The following COL5A2 variants were observed in gnomAD, a reference collection of about 807,000 sequenced individuals.
The protein encoded by COL5A2 is collagen alpha-2(V) chain.
In COL5A2, 23 loss-of-function variants were observed where a neutral mutation model predicts 208.2. The ratio of observed to expected loss-of-function variants is 0.11; its 90% confidence interval spans 0.08 to 0.16. COL5A2 has a LOEUF of 0.16. Among genes scored for constraint, COL5A2 ranks in the 10% least tolerant of loss-of-function variants. The probability of loss-of-function intolerance (pLI) is 1.00; values close to 1 mark genes in which losing one functional copy is unlikely to be tolerated. For synonymous variants in COL5A2, 625 were observed against 628.5 expected (o/e 0.99, Z 0.08); for missense variants, 1,590 against 1,956.4 (o/e 0.81, Z 3.53).
intron 1 of COL5A2, among the ~76,000 whole-genome samples, chr2:189,115,952 T>C (rs1687380880): frequency 6.6e-6 from 1 of 152,200 alleles, no homozygotes; most frequent in Non-Finnish European, 1.5e-5. Context: ...TTACCAGGTG[T>C]GTCCCTGACA....
rs886055354 is a variant in COL5A2, at chr2:189,043,243, G to A, written c.3379C>T (p.Arg1127Cys). 2.5e-6 allele frequency: 4 copies of A among 1,612,134 alleles called. No homozygotes were observed. The highest frequency in any genetic ancestry group is 4.5e-5 in the East Asian group (2 of 44,856). ...TCTCCATGATCACCTTTGTCACCACGAGGTCCTTGGGGTCCCTAGAAATAG... is the reference window on the plus strand; with the variant it reads ...TCTCCATGATCACCTTTGTCACCACAAGGTCCTTGGGGTCCCTAGAAATAG... The part of the protein sequence containing the change: ...KRGLPGPQGP[R>C]GDKGDHGDRG... Residue 1127 changes from arginine (R) to cysteine (C), a missense_variant, in exon 48 of 54, where the codon CGT (arginine) becomes TGT (cysteine). By Grantham distance (180) the Arg-to-Cys change is radical (BLOSUM62 -3). Transcript: ENST00000374866.
upstream of COL5A2, among the ~76,000 whole-genome samples, chr2:189,180,466 T>C (rs1176297866): frequency 1.3e-5 from 2 of 152,128 alleles, no homozygotes; most frequent in Non-Finnish European, 2.9e-5. Flanking sequence ...TGTTGAAAAA[T>C]AGTCTACTAA....
intron 47 of COL5A2, 21 bp from the exon 48 acceptor site, chr2:189,043,279 T>A (rs1181604679): frequency 1.3e-6 from 2 of 1,523,588 alleles, no homozygotes; most frequent in South Asian, 1.1e-5. Context: ...AGATATGGCA[T>A]GAAAATTACT....
At chr2:189,375,059 C>A in the COL5A2 span, among the ~76,000 whole-genome samples, 10 of 151,328 alleles carry the variant, frequency 6.6e-5, no homozygotes, top group Non-Finnish European at 1.0e-4. Context: ...CTCTGTCACC[C>A]AGGCTGAAGT....
At chr2:189,096,455 A>C (rs1284159853) in intron 6 of COL5A2, among the ~76,000 whole-genome samples, 1 of 151,820 alleles carries the variant, frequency 6.6e-6, no homozygotes, top group East Asian at 1.9e-4. Flanking sequence ...ACTCGTCTCT[A>C]CTAAAAAATA....
chr2:189,183,556 A>G (rs998539586), upstream of COL5A2, among the ~76,000 whole-genome samples: 3 of 152,160 alleles, frequency 2.0e-5, no homozygotes, highest in Admixed American at 6.5e-5. Flanking sequence ...TCAGAATCCA[A>G]AATGAAACTA....
At chr2:189,271,754 T>C in the COL5A2 span, among the ~76,000 whole-genome samples, 10 of 152,290 alleles carry the variant, frequency 6.6e-5, no homozygotes, top group Middle Eastern at 3.4e-3. Context: ...TTTTGCAGTC[T>C]ATCCATCTGA....
chr2:189,313,183 A>C, the COL5A2 span, among the ~76,000 whole-genome samples: 21 of 152,240 alleles, frequency 1.4e-4, no homozygotes, highest in African/African-American at 4.3e-4. Flanking sequence ...AAAAGGAATA[A>C]ACAAAACCTC....
chr2:189,071,965 T>G (rs1233269206), intron 18 of COL5A2, 75 bp downstream of exon 18: 11 of 1,008,888 alleles, frequency 1.1e-5, no homozygotes, highest in Non-Finnish European at 1.5e-5. Context: ...TTCAATTAAT[T>G]AAATGTCATT....
the COL5A2 span, among the ~76,000 whole-genome samples, chr2:189,381,547 T>C: frequency 2.0e-5 from 3 of 152,042 alleles, no homozygotes; most frequent in Non-Finnish European, 2.9e-5. Context: ...TCTTAATTGT[T>C]TAAATGTTGA....
chr2:189,387,356 T>C, the COL5A2 span, among the ~76,000 whole-genome samples: 1 of 152,116 alleles, frequency 6.6e-6, no homozygotes, highest in Non-Finnish European at 1.5e-5. Context: ...AAACTACCTA[T>C]TGGGTACTAT....
intron 11 of COL5A2, 47 bp downstream of exon 11, chr2:189,085,113 C>A: frequency 6.8e-7 from 1 of 1,474,666 alleles, no homozygotes; most frequent in South Asian, 1.2e-5. Context: ...ATTTTAACCC[C>A]TTCGCCTCTT....
In COL5A2 at chr2:189,113,208, T is replaced by C. The variant is rs567330715; in HGVS notation, c.98-2759A>G. Among the ~76,000 whole-genome samples the C allele has an allele frequency of 4.6e-5, 7 of 152,278 alleles. No homozygotes were observed. The South Asian group carries it at 6.2e-4, about 14-fold the overall frequency. On this transcript the variant is annotated intron_variant, in intron 1 of 53. Coordinates refer to ENST00000374866, the MANE Select transcript of COL5A2 (RefSeq NM_000393.5). ...ATGTTGGGAGGCCAAGGTGGGAGGA[T>C]TGCTTGAGGCCAAGAGTTCAAGACC...
chr2:189,167,664 A>ATT lies in COL5A2; in HGVS notation c.97+11842_97+11843dup, dbSNP rs71020984. The stretch of plus-strand genomic sequence containing the variant: ...TAGGGAAGGATTGAAGAAAGAAGTG[A>ATT]TTTTTTTTTTTTTTTTTTAGTCCTG... On this transcript the variant is annotated intron_variant, in intron 1 of 53. Transcript: ENST00000374866. 5.0e-3 allele frequency among the ~76,000 whole-genome samples: 701 copies of ATT among 140,116 alleles called. 29 individuals are homozygous for ATT. Among genetic ancestry groups the ATT allele is most frequent in the East Asian group, 0.046 (216 of 4,720 alleles). 91.9% of individuals were successfully genotyped at this position (140,116 alleles called of 152,430 possible). A position where few individuals can be genotyped will look rare whatever the true frequency, so the allele number is the denominator to read the frequency against.
At chr2:189,066,102 A>G (rs1211952040) in intron 23 of COL5A2, among the ~76,000 whole-genome samples, 1 of 152,224 alleles carries the variant, frequency 6.6e-6, no homozygotes, top group Non-Finnish European at 1.5e-5. Flanking sequence ...ATAAACAACT[A>G]TTTACTAGTC....
At chr2:189,426,056 A>C in the COL5A2 span, among the ~76,000 whole-genome samples, 1 of 152,324 alleles carries the variant, frequency 6.6e-6, no homozygotes, top group East Asian at 1.9e-4. Flanking sequence ...TGCTATAAAG[A>C]TACCTGATAA....
At chr2:189,169,836 G>A (rs1427535494) in intron 1 of COL5A2, among the ~76,000 whole-genome samples, 1 of 152,172 alleles carries the variant, frequency 6.6e-6, no homozygotes, top group East Asian at 1.9e-4. Context: ...TCAGCTTCCC[G>A]AGTAGCTGGG....
chr2:189,353,581 G>C, the COL5A2 span, among the ~76,000 whole-genome samples: 3 of 152,030 alleles, frequency 2.0e-5, no homozygotes, highest in African/African-American at 7.2e-5. Flanking sequence ...TCATGATTTG[G>C]CTTTCTGTTT....
chr2:189,039,702 A>G, intron 50 of COL5A2, 139 bp from the exon 51 acceptor site: 1 of 754,764 alleles, frequency 1.3e-6, no homozygotes, highest in Non-Finnish European at 2.1e-6. Context: ...GCCCTTTTGT[A>G]ACTAGATGGG....
Sources: allele counts gnomAD v4.1 joint callset (sites outside exome capture counted in the v4.1 genomes callset), GRCh38; gene constraint gnomAD v4.1.1; transcripts MANE v1.5; gene names NCBI Gene and HGNC (gene_info 2026-07-23, HGNC 2026-07-21).